The following PTPRD variants were observed in gnomAD, a reference collection of about 807,000 sequenced individuals.
PTPRD encodes the protein receptor-type tyrosine-protein phosphatase delta.
A neutral mutation model predicts 214.5 loss-of-function variants in PTPRD; 34 were observed. That is an observed-to-expected ratio of 0.16 (90% CI 0.12 to 0.21). The LOEUF (loss-of-function observed/expected upper bound fraction) is 0.21. Ranked by LOEUF, PTPRD falls within the 10% of genes least tolerant of loss-of-function variation. The pLI is 1.00. For missense variants in PTPRD, 2,545 were observed against 2,398.7 expected (o/e 1.06, Z -1.27); for synonymous variants, 1,128 against 845.7 (o/e 1.33, Z -5.79).
chr9:10,316,043 TG>T (rs2096412847), intron 3 of PTPRD, among the ~76,000 whole-genome samples: 1 of 151,272 alleles, frequency 6.6e-6, no homozygotes, highest in African/African-American at 2.4e-5. Flanking sequence ...CATAGTATTT[TG>T]GGTTTTAAAT....
chr9:8,523,336 A>G (rs1389274564), intron 19 of PTPRD, among the ~76,000 whole-genome samples, 177 bp downstream of exon 19: 1 of 152,154 alleles, frequency 6.6e-6, no homozygotes, highest in Non-Finnish European at 1.5e-5. Flanking sequence ...CCCACCATGC[A>G]CCACAGTTAG....
intron 33 of PTPRD, among the ~76,000 whole-genome samples, chr9:8,457,398 T>A (rs1298961388): frequency 6.6e-6 from 1 of 152,148 alleles, no homozygotes; most frequent in African/African-American, 2.4e-5. Context: ...ACCAAATATA[T>A]TTTAATTTTC....
At chr9:8,337,936 T>C (rs753978415) in intron 43 of PTPRD, among the ~76,000 whole-genome samples, 2 of 152,016 alleles carry the variant, frequency 1.3e-5, no homozygotes, top group African/African-American at 4.8e-5. Context: ...AACTGCTGCC[T>C]TGAATACTGT....
intron 9 of PTPRD, among the ~76,000 whole-genome samples, chr9:9,357,714 T>TA (rs1555290879): frequency 0.017 from 2,275 of 130,370 alleles, 37 homozygotes; most frequent in African/African-American, 0.055. Flanking sequence ...GTTTTTAAAA[T>TA]AAAAAAAAAA....
intron 9 of PTPRD, among the ~76,000 whole-genome samples, chr9:9,199,770 G>A (rs1343440686): frequency 6.6e-6 from 1 of 151,386 alleles, no homozygotes; most frequent in African/African-American, 2.4e-5. Flanking sequence ...GATTTTATTA[G>A]AAACACGCTA....
chr9:10,025,266 A>C (rs1036292736), intron 4 of PTPRD, among the ~76,000 whole-genome samples: 1 of 152,110 alleles, frequency 6.6e-6, no homozygotes, highest in African/African-American at 2.4e-5. Flanking sequence ...AAGTGTTCCT[A>C]TTTCTCCACA....
rs1567405045 is a variant in PTPRD, at chr9:10,060,844, CTTTCCTTTCTTTCTTCCTTCCTTCT to C, written c.-544-27079_-544-27055del. ...TCTTTCTTTCTTCCTTCCTTCCTTCCTTTCCTTTCTTTCTTCCTTCCTTCTTTCCTTCCTTCCTTCCTTCCTTCCT... is the reference window on the plus strand; with the variant it reads ...TCTTTCTTTCTTCCTTCCTTCCTTCCTTCCTTCCTTCCTTCCTTCCTTCCT... On this transcript the variant is annotated intron_variant, in intron 3 of 45. Coordinates refer to ENST00000381196, the MANE Select transcript of PTPRD (RefSeq NM_002839.4). Among the ~76,000 whole-genome samples, 12 of 111,410 alleles carry C rather than the reference CTTTCCTTTCTTTCTTCCTTCCTTCT, an allele frequency of 1.1e-4. 2 individuals are homozygous for C. The highest frequency in any genetic ancestry group is 6.8e-4 in the African/African-American group (9 of 13,262). 73.1% of individuals were successfully genotyped at this position (111,410 alleles called of 152,430 possible).
chr9:9,890,771 T>C (rs372034243), intron 5 of PTPRD, among the ~76,000 whole-genome samples: 5 of 151,978 alleles, frequency 3.3e-5, no homozygotes, highest in African/African-American at 1.2e-4. Context: ...TTTCCACCAA[T>C]TGGAAGGGGA....
chr9:8,929,890 T>TAC (rs2098938397), intron 11 of PTPRD, among the ~76,000 whole-genome samples: 1 of 76,366 alleles, frequency 1.3e-5, no homozygotes, highest in African/African-American at 5.0e-5. Flanking sequence ...TATGTGTGTG[T>TAC]ATATATATGT....
chr9:9,547,237 A>G (rs868790344), intron 8 of PTPRD, among the ~76,000 whole-genome samples: 2 of 152,082 alleles, frequency 1.3e-5, no homozygotes, highest in Non-Finnish European at 2.9e-5. Context: ...GTACGCAGTC[A>G]TCCTCATCAT....
chr9:8,853,622 A>T (rs1361315273), intron 11 of PTPRD, among the ~76,000 whole-genome samples: 2 of 152,192 alleles, frequency 1.3e-5, no homozygotes, highest in East Asian at 1.9e-4. Flanking sequence ...GTTCAAATGA[A>T]ATTTACTGAC....
intron 3 of PTPRD, among the ~76,000 whole-genome samples, chr9:10,329,957 A>G (rs1047517683): frequency 5.9e-5 from 9 of 151,852 alleles, no homozygotes; most frequent in African/African-American, 1.9e-4. Context: ...AATACAGAAA[A>G]ATCTTTTATA....
intron 9 of PTPRD, among the ~76,000 whole-genome samples, chr9:9,284,232 G>C (rs1318062743): frequency 6.6e-6 from 1 of 151,540 alleles, no homozygotes; most frequent in African/African-American, 2.4e-5. Flanking sequence ...GGTTACACTT[G>C]ACCTGTAGGT....
intron 2 of PTPRD, among the ~76,000 whole-genome samples, chr9:10,500,408 T>C (rs1394428767): frequency 6.6e-6 from 1 of 151,932 alleles, no homozygotes; most frequent in Non-Finnish European, 1.5e-5. Context: ...ATTCTTTTGT[T>C]AATTTTTAAT....
intron 7 of PTPRD, among the ~76,000 whole-genome samples, chr9:9,715,788 C>T (rs573484630): frequency 1.1e-4 from 16 of 152,276 alleles, no homozygotes; most frequent in Non-Finnish European, 1.9e-4. Flanking sequence ...GCGATTTTCA[C>T]AGAATATATA....
chr9:10,246,512 G>C (rs117761335), intron 3 of PTPRD, among the ~76,000 whole-genome samples: 5,253 of 152,224 alleles, frequency 0.035, 125 homozygotes, highest in Non-Finnish European at 0.052. Context: ...CCAAAGTCCT[G>C]GGGGTGCGGT....
At chr9:8,662,092 T>C (rs2097069370) in intron 12 of PTPRD, among the ~76,000 whole-genome samples, 1 of 152,180 alleles carries the variant, frequency 6.6e-6, no homozygotes, top group Non-Finnish European at 1.5e-5. Context: ...TTTTTTTGTT[T>C]TGTTTTTCAT....
chr9:10,146,311 G>A (rs1334066801), intron 3 of PTPRD, among the ~76,000 whole-genome samples: 1 of 151,600 alleles, frequency 6.6e-6, no homozygotes. Flanking sequence ...ATACTATCTA[G>A]GCAGAAAAAC....
chr9:9,299,400 T>C (rs1328340199), intron 9 of PTPRD, among the ~76,000 whole-genome samples: 1 of 151,696 alleles, frequency 6.6e-6, no homozygotes, highest in Non-Finnish European at 1.5e-5. Context: ...TGCTGCTAAA[T>C]ACCTTATAAT....
Sources: gnomAD v4.1 joint callset for allele counts (sites outside exome capture counted in the v4.1 genomes callset) on GRCh38, gnomAD v4.1.1 for gene constraint, MANE v1.5 for transcripts, NCBI Gene and HGNC (gene_info 2026-07-23, HGNC 2026-07-21) for gene names.